The following TNRC6B variants were observed in gnomAD, a reference collection of about 807,000 sequenced individuals.
TNRC6B encodes trinucleotide repeat containing adaptor 6B, also known as trinucleotide repeat-containing gene 6B protein.
A neutral mutation model predicts 203.6 loss-of-function variants in TNRC6B; 52 were observed. The observed-to-expected ratio is 0.26, with a 90% CI of 0.20 to 0.32. The LOEUF is 0.32. Among genes scored for constraint, TNRC6B ranks in the 10% least tolerant of loss-of-function variants. The probability of loss-of-function intolerance (pLI) is 1.00; values close to 1 mark genes in which losing one functional copy is unlikely to be tolerated. For missense variants in TNRC6B, 1,923 were observed against 2,286.2 expected, an observed-to-expected ratio of 0.84 and a Z score of 3.24; for synonymous variants, 838 against 845.7, an observed-to-expected ratio of 0.99 and a Z score of 0.16.
upstream of TNRC6B, among the ~76,000 whole-genome samples, chr22:40,176,932 C>A (rs2069067771): frequency 6.6e-6 from 1 of 152,112 alleles, no homozygotes; most frequent in Admixed American, 6.5e-5. Flanking sequence ...AAGATACCAT[C>A]TAGGGAAGCC....
intron 1 of TNRC6B, among the ~76,000 whole-genome samples, chr22:40,113,582 C>T (rs928592616): frequency 6.6e-6 from 1 of 152,186 alleles, no homozygotes; most frequent in African/African-American, 2.4e-5. Flanking sequence ...GTCTTGAACT[C>T]GTGAGCTCAA....
intron 12 of TNRC6B, among the ~76,000 whole-genome samples, chr22:40,290,894 G>C (rs1293063165): frequency 2.0e-5 from 3 of 152,188 alleles, no homozygotes; most frequent in Non-Finnish European, 4.4e-5. Flanking sequence ...CTTTGTGTGA[G>C]AGACTTGGGT....
chr22:40,075,156 A>ATATTTTTTTTTTT, intron 1 of TNRC6B, among the ~76,000 whole-genome samples: 5 of 35,568 alleles, frequency 1.4e-4, no homozygotes, highest in Admixed American at 4.9e-4. Flanking sequence ...ATATATATAT[A>ATATTTTTTTTTTT]TTTTTTTTTT....
Position 40,326,244 on chromosome 22 carries a change from G to C in TNRC6B, c.*3003G>C, listed in dbSNP as rs887920674. On this transcript the variant is annotated 3_prime_UTR_variant, in exon 23 of 23. Transcript: ENST00000454349. ...CATATCTTATCCTAGAGAGATGGCT[G>C]TTTCTTTCCTGTTAATAAACTTTTA... The C allele has an allele frequency of 6.6e-6, 1 of 152,436 alleles. No homozygotes were observed. The highest frequency in any genetic ancestry group is 2.4e-5 in the African/African-American group (1 of 41,386). The allele number at this position is 152,436 out of a possible 1,614,324, so 9.4% of individuals were successfully genotyped here. A position where few individuals can be genotyped will look rare whatever the true frequency, so the allele number is the denominator to read the frequency against.
intron 1 of TNRC6B, among the ~76,000 whole-genome samples, chr22:40,080,234 T>G (rs568035948): frequency 6.6e-6 from 1 of 150,984 alleles, no homozygotes; most frequent in East Asian, 2.0e-4. Context: ...TGAGCTACCA[T>G]GCCCAGCCAA....
intron 1 of TNRC6B, among the ~76,000 whole-genome samples, chr22:40,066,720 A>G (rs186541732): frequency 6.6e-6 from 1 of 152,036 alleles, no homozygotes; most frequent in Non-Finnish European, 1.5e-5. Context: ...GCTTCTCTAT[A>G]TTTGCTGGTA....
At chr22:40,132,452 G>C (rs1305782782) in intron 3 of TNRC6B, among the ~76,000 whole-genome samples, 2 of 151,506 alleles carry the variant, frequency 1.3e-5, no homozygotes, top group African/African-American at 4.9e-5. Flanking sequence ...CGGCACTCCA[G>C]CCTGGGTGAC....
intron 4 of TNRC6B, among the ~76,000 whole-genome samples, chr22:40,163,490 C>A (rs573831001): frequency 8.6e-6 from 1 of 115,868 alleles, no homozygotes; most frequent in South Asian, 3.0e-4. Context: ...AGGCCAGGCA[C>A]GGTGGCTCAC....
Position 40,327,625 on chromosome 22 carries a change from G to A in TNRC6B, c.*4384G>A, listed in dbSNP as rs1290201840. On this transcript the variant is annotated 3_prime_UTR_variant, in exon 23 of 23. Coordinates refer to ENST00000454349, the MANE Select transcript of TNRC6B (RefSeq NM_001162501.2). ...TTGGTTGGCAGTGACCTAAGAACAGGATATGGTGAGGATGTCATGGAAGAG... is the reference window on the plus strand; with the variant it reads ...TTGGTTGGCAGTGACCTAAGAACAGAATATGGTGAGGATGTCATGGAAGAG... 6.6e-6 allele frequency: 1 copy of A among 152,192 alleles called. No homozygotes were observed. The highest frequency in any genetic ancestry group is 2.4e-5 in the African/African-American group (1 of 41,422). The allele number at this position is 152,192 out of a possible 1,614,324, so 9.4% of individuals were successfully genotyped here.
chr22:40,171,156 ATTTTTTTTT>A (rs747786805), intron 4 of TNRC6B, among the ~76,000 whole-genome samples: 1 of 124,394 alleles, frequency 8.0e-6, no homozygotes. Flanking sequence ...ATAAATGCTA[ATTTTTTTTT>A]TTTTTTTTTT....
intron 1 of TNRC6B, among the ~76,000 whole-genome samples, chr22:40,194,571 C>G (rs894500452): frequency 2.0e-5 from 3 of 152,196 alleles, no homozygotes; most frequent in Non-Finnish European, 2.9e-5. Context: ...GAAGAAATAT[C>G]TGTATTTCAG....
chr22:40,214,446 T>A (rs763203161), intron 1 of TNRC6B, among the ~76,000 whole-genome samples: 4 of 152,196 alleles, frequency 2.6e-5, no homozygotes, highest in Admixed American at 6.5e-5. Flanking sequence ...GTCAGTTTCT[T>A]CGTTGGGATA....
chr22:40,159,191 C>G (rs1353617491), intron 4 of TNRC6B, among the ~76,000 whole-genome samples: 5 of 151,438 alleles, frequency 3.3e-5, no homozygotes, highest in Admixed American at 3.3e-4. Context: ...TCTCGATCTC[C>G]TGACCTTGTG....
At chr22:40,058,344 T>C (rs539881279) in intron 1 of TNRC6B, among the ~76,000 whole-genome samples, 1 of 148,690 alleles carries the variant, frequency 6.7e-6, no homozygotes, top group Non-Finnish European at 1.5e-5. Flanking sequence ...TAAGGGATGG[T>C]TTGAAAACTT....
At chr22:40,305,531 C>G (rs1191422374) in intron 15 of TNRC6B, among the ~76,000 whole-genome samples, 1 of 152,212 alleles carries the variant, frequency 6.6e-6, no homozygotes, top group Non-Finnish European at 1.5e-5. Flanking sequence ...TCCCAGAATT[C>G]CTTCCATCAA....
Position 40,264,693 on chromosome 22 carries a change from A to G in TNRC6B, c.463A>G (p.Thr155Ala), listed in dbSNP as rs2070446505. ...QSESGTAPDS[T>A]LGGAAASNYA... ...TAAGATGATCTGTTCCCCAGACTCA[A>G]CCCTTGGAGGTGCTGCTGCTTCAAA... is the stretch of plus-strand genomic sequence containing the variant. Residue 155 changes from threonine to alanine, a missense_variant, in exon 5 of 23, where the codon ACC becomes GCC. Physicochemically the swap from Thr to Ala is moderately conservative, Grantham distance 58 (BLOSUM62 0). Coordinates refer to ENST00000454349, the MANE Select transcript of TNRC6B (RefSeq NM_001162501.2). 6.3e-6 allele frequency: 10 copies of G among 1,585,102 alleles called. No homozygotes were observed. Among genetic ancestry groups the G allele is most frequent in the Non-Finnish European group, 8.6e-6 (10 of 1,165,448 alleles).
chr22:40,099,420 A>C (rs979071070), intron 1 of TNRC6B, among the ~76,000 whole-genome samples: 2 of 152,108 alleles, frequency 1.3e-5, no homozygotes, highest in Non-Finnish European at 2.9e-5. Flanking sequence ...ACATTGTGGT[A>C]TGTGTCTTTT....
rs199952000 is a variant in TNRC6B, at chr22:40,266,631, A to C, written c.2401A>C (p.Lys801Gln). The change falls in exon 5 of 23, where the codon AAA becomes CAA. Residue 801 changes from lysine (K) to glutamine (Q), a missense_variant. Lys to Gln is a moderately conservative substitution (Grantham distance 53). This residue lies in a region of TNRC6B where 599 missense variants were observed against 656.5 expected (regional missense o/e 0.91). Coordinates refer to ENST00000454349, the MANE Select transcript of TNRC6B (RefSeq NM_001162501.2). ...TTCAAAAGGTGGGTGGGAGGATTGC[A>C]AAAGATCCCCAGCATGGAATGAGAC... ...LASKGGWEDC[K>Q]RSPAWNETGR... 1 of 1,611,304 alleles carries C rather than the reference A, an allele frequency of 6.2e-7. No individual in the cohort carries two copies. The highest frequency in any genetic ancestry group is 8.5e-7 in the Non-Finnish European group (1 of 1,178,250).
intron 2 of TNRC6B, among the ~76,000 whole-genome samples, chr22:40,117,424 T>C (rs1392983638): frequency 6.6e-6 from 1 of 152,036 alleles, no homozygotes; most frequent in Non-Finnish European, 1.5e-5. Context: ...CTCTCACCTT[T>C]CCCTGCTGCG....
Sources: allele counts gnomAD v4.1 joint callset (sites outside exome capture counted in the v4.1 genomes callset), GRCh38; gene constraint gnomAD v4.1.1; regional missense constraint gnomAD v4.1.1; transcripts MANE v1.5; gene names NCBI Gene and HGNC (gene_info 2026-07-23, HGNC 2026-07-21).